RIC8B: variants seen among roughly 807,000 people sequenced by gnomAD.
RIC8B encodes the protein chaperone Ric-8B.
RIC8B carries 16 observed loss-of-function variants against 57.5 expected under a neutral mutation model. The ratio of observed to expected loss-of-function variants is 0.28; its 90% CI spans 0.19 to 0.42. RIC8B has a LOEUF of 0.42. Ranked by LOEUF, RIC8B falls within the 10% of genes least tolerant of loss-of-function variation. The pLI is 1.00. For missense variants in RIC8B, 481 were observed against 677.0 expected (o/e 0.71, Z 3.21); for synonymous variants, 216 against 250.8 (o/e 0.86, Z 1.31).
chr12:106,787,852 C>T (rs995957639), intron 2 of RIC8B, among the ~76,000 whole-genome samples: 2 of 152,138 alleles, frequency 1.3e-5, no homozygotes, highest in Non-Finnish European at 2.9e-5. Context: ...CAAACCATAT[C>T]ATTCTGCCTC....
intron 2 of RIC8B, among the ~76,000 whole-genome samples, chr12:106,802,770 G>A (rs1418992406): frequency 2.6e-5 from 4 of 152,034 alleles, no homozygotes; most frequent in Non-Finnish European, 5.9e-5. Flanking sequence ...CTTTTCTGCT[G>A]TAGCTTTCTC....
intron 3 of RIC8B, among the ~76,000 whole-genome samples, chr12:106,817,811 C>T (rs974152679): frequency 2.4e-5 from 3 of 123,408 alleles, no homozygotes; most frequent in African/African-American, 1.0e-4. Flanking sequence ...GGAGACAGAG[C>T]GAAACACTGT....
chr12:106,777,746 G>A (rs1366756111), intron 1 of RIC8B, among the ~76,000 whole-genome samples: 2 of 152,280 alleles, frequency 1.3e-5, no homozygotes, highest in Middle Eastern at 3.4e-3. Flanking sequence ...TGCCTTACCT[G>A]TAAAATAGGG....
intron 4 of RIC8B, among the ~76,000 whole-genome samples, chr12:106,841,438 T>A (rs1342559706): frequency 6.6e-6 from 1 of 152,038 alleles, no homozygotes; most frequent in African/African-American, 2.4e-5. Flanking sequence ...GAAAGAAAAA[T>A]TTTTGTATTT....
chr12:106,785,789 C>CAA (rs2043981227), intron 2 of RIC8B, among the ~76,000 whole-genome samples: 1 of 113,464 alleles, frequency 8.8e-6, no homozygotes, highest in African/African-American at 3.4e-5. Flanking sequence ...TTCTATGTCT[C>CAA]TCTCTCTCTC....
chr12:106,803,166 C>T (rs1383838235), intron 2 of RIC8B, among the ~76,000 whole-genome samples: 21 of 135,226 alleles, frequency 1.6e-4, no homozygotes, highest in African/African-American at 4.3e-4. Flanking sequence ...GAGCTGTGAT[C>T]GTGCCATTGC....
At chr12:106,791,795 T>C (rs945838071) in intron 2 of RIC8B, among the ~76,000 whole-genome samples, 8 of 152,138 alleles carry the variant, frequency 5.3e-5, no homozygotes, top group African/African-American at 1.9e-4. Flanking sequence ...CTATAGAAAA[T>C]GAATGGGTAA....
chr12:106,814,947 T>G lies in RIC8B; in HGVS notation c.384T>G (p.Ser128Arg). ...LKCLCNIVFNSQMAQQLSLEL... is the reference protein window; with the variant it reads ...LKCLCNIVFNRQMAQQLSLEL... ...GTCTGTGTAATATAGTGTTCAACAG[T>G]CAGATGGCACAGCAGCTCAGCCTGG... The change falls in exon 3 of 10, where the codon AGT becomes AGG. Residue 128 changes from serine to arginine, a missense_variant. Around this residue, in one of 3 missense-constraint regions of RIC8B, gnomAD observed 421 missense variants for 560.9 expected, o/e 0.75. Transcript: ENST00000392837. 6.2e-7 allele frequency: 1 copy of G among 1,614,206 alleles called. No homozygotes were observed. Among genetic ancestry groups the G allele is most frequent in the Non-Finnish European group, 8.5e-7 (1 of 1,180,040 alleles).
At chr12:106,777,697 T>G (rs905899370) in intron 1 of RIC8B, among the ~76,000 whole-genome samples, 2 of 152,358 alleles carry the variant, frequency 1.3e-5, no homozygotes, top group East Asian at 1.9e-4. Context: ...ATTAGCTTTA[T>G]GACTATGGAT....
At chr12:106,851,388 G>GTACCA in intron 6 of RIC8B, 62 bp from the exon 7 acceptor site, 2 of 1,225,694 alleles carry the variant, frequency 1.6e-6, no homozygotes, top group South Asian at 2.5e-5. Context: ...CAGTTGCATT[G>GTACCA]TACCATCCTC....
chr12:106,852,153 T>C (rs1015265117), intron 7 of RIC8B, among the ~76,000 whole-genome samples: 2 of 152,256 alleles, frequency 1.3e-5, no homozygotes, highest in African/African-American at 4.8e-5. Flanking sequence ...TAAATACTAC[T>C]CTATAAGTGT....
intron 2 of RIC8B, among the ~76,000 whole-genome samples, chr12:106,795,274 G>A (rs544465992): frequency 1.2e-4 from 19 of 152,268 alleles, no homozygotes; most frequent in African/African-American, 3.8e-4. Context: ...AAGTAGCTAC[G>A]TTGTCTGGGG....
intron 8 of RIC8B, among the ~76,000 whole-genome samples, chr12:106,869,308 G>A (rs755148003): frequency 3.7e-4 from 57 of 152,232 alleles, no homozygotes; most frequent in Non-Finnish European, 7.2e-4. Flanking sequence ...ATAACAGTAC[G>A]TAGTAAGCAA....
At chr12:106,794,106 A>G (rs1450139496) in intron 2 of RIC8B, among the ~76,000 whole-genome samples, 1 of 152,208 alleles carries the variant, frequency 6.6e-6, no homozygotes, top group East Asian at 1.9e-4. Context: ...ACAGAGATAG[A>G]AGTTATTTTT....
rs762510072 is a variant in RIC8B at position 106,774,784 on chromosome 12, C to T, written c.39C>T (p.Gly13=). ...GCGCCCTCTACATCGTCCGGGCCGG[C>T]GAAGCAGGGGCTATCGAGCGGGTCC... The part of the protein sequence containing the change: ...EERALYIVRA[G]EAGAIERVLR... Residue 13 remains glycine (G), a synonymous_variant, in exon 1 of 10, where the codon GGC becomes GGT. Coordinates refer to ENST00000392837, the MANE Select transcript of RIC8B (RefSeq NM_001330145.2). 2.6e-6 allele frequency: 4 copies of T among 1,553,626 alleles called. No homozygotes were observed. The highest frequency in any genetic ancestry group is 8.7e-7 in the Non-Finnish European group (1 of 1,148,014).
intron 2 of RIC8B, among the ~76,000 whole-genome samples, chr12:106,790,050 C>G (rs2044200130): frequency 6.6e-6 from 1 of 152,132 alleles, no homozygotes; most frequent in South Asian, 2.1e-4. Flanking sequence ...TTGCTTCTTA[C>G]CGGTAGTGCT....
intron 4 of RIC8B, among the ~76,000 whole-genome samples, chr12:106,836,155 A>G (rs1349159647): frequency 6.6e-6 from 1 of 152,178 alleles, no homozygotes; most frequent in African/African-American, 2.4e-5. Context: ...CTTAGATACC[A>G]TGCTGTCTTG....
intron 1 of RIC8B, among the ~76,000 whole-genome samples, chr12:106,781,592 G>A (rs1593067207): frequency 6.6e-6 from 1 of 152,112 alleles, no homozygotes; most frequent in Non-Finnish European, 1.5e-5. Context: ...CTAATTAAGA[G>A]CAACAGAATA....
chr12:106,789,243 A>G (rs2044163099), intron 2 of RIC8B, among the ~76,000 whole-genome samples: 1 of 152,136 alleles, frequency 6.6e-6, no homozygotes, highest in Admixed American at 6.5e-5. Flanking sequence ...TGTTCTTATC[A>G]CTATCAGCAT....
Sources: allele counts gnomAD v4.1 joint callset (sites outside exome capture counted in the v4.1 genomes callset), GRCh38; gene constraint gnomAD v4.1.1; regional missense constraint gnomAD v4.1.1; transcripts MANE v1.5; gene names NCBI Gene and HGNC (gene_info 2026-07-23, HGNC 2026-07-21).